Variants in PTPRD observed in about 807,000 individuals in gnomAD.
PTPRD encodes receptor-type tyrosine-protein phosphatase delta.
Under a neutral mutation model 214.5 loss-of-function variants are expected in PTPRD, and 34 were observed. That is an observed-to-expected ratio of 0.16 (90% CI 0.12 to 0.21). The LOEUF is 0.21. Ranked by LOEUF, PTPRD falls within the 10% of genes least tolerant of loss-of-function variation. The pLI is 1.00. For synonymous variants in PTPRD, 1,128 were observed against 845.7 expected (o/e 1.33, Z -5.79); for missense variants, 2,545 against 2,398.7 (o/e 1.06, Z -1.27).
chr9:9,007,708 T>G (rs1050573103), intron 11 of PTPRD, among the ~76,000 whole-genome samples: 4 of 146,836 alleles, frequency 2.7e-5, no homozygotes, highest in Non-Finnish European at 6.0e-5. Flanking sequence ...TCTCCCGTGT[T>G]TGACCTCCTG....
intron 11 of PTPRD, among the ~76,000 whole-genome samples, chr9:8,800,347 C>G (rs1248625891): frequency 6.6e-6 from 1 of 152,138 alleles, no homozygotes; most frequent in East Asian, 1.9e-4. Flanking sequence ...TAAAACAATG[C>G]TGAGAACTAC....
At chr9:9,753,469 T>TA (rs924664235) in intron 6 of PTPRD, among the ~76,000 whole-genome samples, 16 of 152,082 alleles carry the variant, frequency 1.1e-4, no homozygotes, top group Non-Finnish European at 2.1e-4. Flanking sequence ...CACGCAAGGC[T>TA]AATGTGGGGA....
chr9:9,503,158 CA>C (rs1481702603), intron 8 of PTPRD, among the ~76,000 whole-genome samples: 1 of 151,686 alleles, frequency 6.6e-6, no homozygotes, highest in African/African-American at 2.4e-5. Context: ...TGTATCTTGT[CA>C]AAATTGTAAT....
chr9:10,510,988 A>G (rs1449110461), intron 2 of PTPRD, among the ~76,000 whole-genome samples: 1 of 152,134 alleles, frequency 6.6e-6, no homozygotes, highest in African/African-American at 2.4e-5. Context: ...TTAATGTAAC[A>G]TAATGTTCTC....
chr9:9,680,166 T>C (rs2097035095), intron 7 of PTPRD, among the ~76,000 whole-genome samples: 1 of 151,858 alleles, frequency 6.6e-6, no homozygotes, highest in South Asian at 2.1e-4. Context: ...TTTCCAGCAA[T>C]CCTGTCAAGG....
At chr9:10,493,225 C>T (rs1359890676) in intron 2 of PTPRD, among the ~76,000 whole-genome samples, 1 of 152,076 alleles carries the variant, frequency 6.6e-6, no homozygotes, top group Non-Finnish European at 1.5e-5. Context: ...CATTGACTTT[C>T]TTCACAGAAT....
intron 4 of PTPRD, among the ~76,000 whole-genome samples, chr9:9,948,274 C>T (rs919172666): frequency 6.6e-6 from 1 of 152,172 alleles, no homozygotes; most frequent in African/African-American, 2.4e-5. Flanking sequence ...ATCAACACGA[C>T]TTTCACTGTA....
chr9:9,504,821 A>T (rs62533237), intron 8 of PTPRD, among the ~76,000 whole-genome samples: 10,339 of 151,798 alleles, frequency 0.068, 451 homozygotes, highest in South Asian at 0.16. Context: ...ATTGAAAATC[A>T]ATATGCAAAA....
intron 3 of PTPRD, among the ~76,000 whole-genome samples, chr9:10,199,237 A>T (rs2154331669): frequency 6.6e-6 from 1 of 152,168 alleles, no homozygotes; most frequent in East Asian, 1.9e-4. Flanking sequence ...GGTCTAAGGC[A>T]TTCTATTTCT....
chr9:10,564,809 T>C (rs62539608), intron 2 of PTPRD, among the ~76,000 whole-genome samples: 14 of 152,342 alleles, frequency 9.2e-5, no homozygotes, highest in Non-Finnish European at 1.6e-4. Context: ...TTTTAATGAA[T>C]AGACCATAAT....
chr9:9,254,594 T>A (rs1227374087), intron 9 of PTPRD, among the ~76,000 whole-genome samples: 3 of 152,026 alleles, frequency 2.0e-5, no homozygotes, highest in African/African-American at 4.8e-5. Context: ...CTTTCAATAG[T>A]GAAAAGAAAG....
intron 8 of PTPRD, among the ~76,000 whole-genome samples, chr9:9,492,024 T>C (rs576409489): frequency 7.9e-5 from 12 of 151,924 alleles, no homozygotes; most frequent in Admixed American, 1.3e-4. Context: ...AGAGAGAGTA[T>C]ACATAAATTA....
intron 7 of PTPRD, among the ~76,000 whole-genome samples, chr9:9,596,113 A>T (rs1289374572): frequency 6.6e-6 from 1 of 152,006 alleles, no homozygotes; most frequent in Non-Finnish European, 1.5e-5. Flanking sequence ...ATATGTGTGC[A>T]AAGGAATACC....
At chr9:9,066,355 G>A (rs536320567) in intron 10 of PTPRD, among the ~76,000 whole-genome samples, 4 of 152,114 alleles carry the variant, frequency 2.6e-5, no homozygotes, top group East Asian at 1.9e-4. Flanking sequence ...GAAATGACAA[G>A]TCATATTTCC....
At chr9:10,296,849 T>G (rs1310936341) in intron 3 of PTPRD, among the ~76,000 whole-genome samples, 2 of 151,992 alleles carry the variant, frequency 1.3e-5, no homozygotes, top group Non-Finnish European at 2.9e-5. Flanking sequence ...TCTCTTAGAT[T>G]GTTTCTTTTT....
intron 8 of PTPRD, among the ~76,000 whole-genome samples, chr9:9,491,407 G>C (rs959028435): frequency 6.6e-6 from 1 of 151,906 alleles, no homozygotes; most frequent in African/African-American, 2.4e-5. Context: ...AGATGTGTAA[G>C]GAAATAAAGA....
At chr9:10,396,368 A>C (rs1327240283) in intron 2 of PTPRD, among the ~76,000 whole-genome samples, 1 of 151,986 alleles carries the variant, frequency 6.6e-6, no homozygotes, top group Admixed American at 6.6e-5. Flanking sequence ...TGGCTTGGCA[A>C]TAGACCATGT....
At chr9:8,498,493 G>T in intron 25 of PTPRD, among the ~76,000 whole-genome samples, 1 of 152,132 alleles carries the variant, frequency 6.6e-6, no homozygotes, top group East Asian at 1.9e-4. Context: ...GAGCAGGATG[G>T]TCTCGATCTC....
intron 14 of PTPRD, among the ~76,000 whole-genome samples, chr9:8,582,459 G>A (rs926577190): frequency 6.6e-6 from 1 of 152,072 alleles, no homozygotes; most frequent in East Asian, 1.9e-4. Flanking sequence ...ATCATAATGA[G>A]GTAGATAGGC....
Sources: gnomAD v4.1 joint callset for allele counts (sites outside exome capture counted in the v4.1 genomes callset) on GRCh38, gnomAD v4.1.1 for gene constraint, MANE v1.5 for transcripts, NCBI Gene and HGNC (gene_info 2026-07-23, HGNC 2026-07-21) for gene names.